Variants in CACNA2D3 observed in about 807,000 individuals in gnomAD.
CACNA2D3 encodes calcium voltage-gated channel auxiliary subunit alpha2delta 3, also known as voltage-dependent calcium channel subunit alpha-2/delta-3.
In CACNA2D3, 60 loss-of-function variants were observed where a neutral mutation model predicts 160.6. That is an observed-to-expected ratio of 0.37 (90% CI 0.30 to 0.46). The LOEUF (loss-of-function observed/expected upper bound fraction) is 0.46. CACNA2D3 is among the 20% of genes least tolerant of loss of function. The probability of loss-of-function intolerance (pLI) is 1.00; values close to 1 mark genes in which losing one functional copy is unlikely to be tolerated. For missense variants in CACNA2D3, 1,205 were observed against 1,365.0 expected, an observed-to-expected ratio of 0.88 and a Z score of 1.85; for synonymous variants, 558 against 492.9, an observed-to-expected ratio of 1.13 and a Z score of -1.75.
intron 5 of CACNA2D3, among the ~76,000 whole-genome samples, chr3:54,529,255 T>C (rs1242619934): frequency 6.6e-6 from 1 of 152,240 alleles, no homozygotes; most frequent in Non-Finnish European, 1.5e-5. Flanking sequence ...TACCCGTTTC[T>C]TAACAGTAGG....
chr3:54,979,442 C>T (rs1702460457), intron 29 of CACNA2D3, among the ~76,000 whole-genome samples: 1 of 152,192 alleles, frequency 6.6e-6, no homozygotes, highest in South Asian at 2.1e-4. Context: ...AAGATACTCT[C>T]AAATAGTTTC....
At chr3:54,995,723 G>A (rs1393486922) in intron 31 of CACNA2D3, among the ~76,000 whole-genome samples, 3 of 152,168 alleles carry the variant, frequency 2.0e-5, no homozygotes, top group Admixed American at 6.5e-5. Flanking sequence ...AGGAACCTGG[G>A]AAATGTGCAT....
At chr3:54,912,330 C>T (rs985329484) in intron 27 of CACNA2D3, among the ~76,000 whole-genome samples, 2 of 152,154 alleles carry the variant, frequency 1.3e-5, no homozygotes, top group African/African-American at 4.8e-5. Context: ...AAGGAGAGAG[C>T]ATGAGTTCCA....
At chr3:54,180,443 T>C (rs991511863) in intron 2 of CACNA2D3, among the ~76,000 whole-genome samples, 1 of 152,190 alleles carries the variant, frequency 6.6e-6, no homozygotes, top group Admixed American at 6.5e-5. Flanking sequence ...ATTTCAAAGA[T>C]AGGAATCTGA....
intron 2 of CACNA2D3, among the ~76,000 whole-genome samples, chr3:54,167,688 C>G (rs1700486468): frequency 6.6e-6 from 1 of 152,146 alleles, no homozygotes; most frequent in African/African-American, 2.4e-5. Context: ...GAATGGATAC[C>G]CAACGTAGTT....
chr3:54,888,766 T>C (rs1699988056), intron 24 of CACNA2D3, among the ~76,000 whole-genome samples: 2 of 151,880 alleles, frequency 1.3e-5, no homozygotes, highest in South Asian at 4.1e-4. Flanking sequence ...TCCCTCATTG[T>C]ATCTTCCCTT....
At chr3:54,474,299 C>T (rs1368924356) in intron 4 of CACNA2D3, among the ~76,000 whole-genome samples, 2 of 152,026 alleles carry the variant, frequency 1.3e-5, no homozygotes, top group Non-Finnish European at 2.9e-5. Flanking sequence ...AACACGGGAA[C>T]TGAAAACCAA....
At chr3:55,009,343 G>T (rs1703161744) in intron 33 of CACNA2D3, 45 bp from the exon 34 acceptor site, 2 of 1,522,384 alleles carry the variant, frequency 1.3e-6, no homozygotes, top group Non-Finnish European at 1.8e-6. Context: ...TGTGATATGG[G>T]CATGGATGAC....
chr3:54,717,681 GGT>G (rs1181213964), intron 11 of CACNA2D3, among the ~76,000 whole-genome samples: 7 of 137,642 alleles, frequency 5.1e-5, no homozygotes, highest in East Asian at 4.3e-4. Flanking sequence ...TGGTGTGTGT[GGT>G]GTGTGCGTGC....
chr3:55,071,771 T>G (rs1459528735), intron 35 of CACNA2D3, among the ~76,000 whole-genome samples: 1 of 152,206 alleles, frequency 6.6e-6, no homozygotes, highest in Non-Finnish European at 1.5e-5. Context: ...CTTTGGATCT[T>G]TTATGTCATA....
At chr3:54,514,980 C>G (rs768845427) in intron 5 of CACNA2D3, among the ~76,000 whole-genome samples, 1 of 152,172 alleles carries the variant, frequency 6.6e-6, no homozygotes, top group Non-Finnish European at 1.5e-5. Flanking sequence ...CAATCTGATG[C>G]ATCAGCTTTT....
In CACNA2D3 at chr3:54,801,796, A is replaced by G. The variant is rs964510590; in HGVS notation, c.1381-15057A>G. On this transcript the variant is annotated intron_variant, in intron 13 of 37. Transcript: ENST00000474759. ...TCTTTTCCTTGCTTTTAAACATACC[A>G]TTGGAAGAAAAAAAAAATTGAAGTC... is the stretch of plus-strand genomic sequence containing the variant. Among the ~76,000 whole-genome samples, 4 of 152,200 alleles carry G rather than the reference A, an allele frequency of 2.6e-5. No individual in the cohort carries two copies. In the East Asian group the frequency reaches 7.7e-4, roughly 29 times the overall value.
intron 3 of CACNA2D3, among the ~76,000 whole-genome samples, chr3:54,384,967 C>T (rs7627851): frequency 0.021 from 3,227 of 152,146 alleles, 108 homozygotes; most frequent in African/African-American, 0.074. Context: ...GTGATCTGCC[C>T]GCCTCTGCCT....
chr3:54,659,067 A>G (rs879366936), intron 11 of CACNA2D3, among the ~76,000 whole-genome samples: 3 of 152,102 alleles, frequency 2.0e-5, no homozygotes, highest in African/African-American at 4.8e-5. Flanking sequence ...AATGAGCTCT[A>G]TCCTACTAGA....
intron 27 of CACNA2D3, among the ~76,000 whole-genome samples, chr3:54,955,586 G>A (rs1299626376): frequency 6.6e-6 from 1 of 152,178 alleles, no homozygotes; most frequent in African/African-American, 2.4e-5. Flanking sequence ...CAGCTTCTAA[G>A]GTCTATCAGC....
chr3:54,934,846 C>G (rs989160597), intron 27 of CACNA2D3, among the ~76,000 whole-genome samples: 6 of 152,170 alleles, frequency 3.9e-5, no homozygotes, highest in Admixed American at 6.5e-5. Flanking sequence ...ATTCTCATGC[C>G]TCAGCCTCCC....
chr3:54,141,477 C>T (rs1001227470), intron 2 of CACNA2D3, among the ~76,000 whole-genome samples: 4 of 152,188 alleles, frequency 2.6e-5, no homozygotes, highest in Non-Finnish European at 2.9e-5. Context: ...TCTGCTTTCT[C>T]AGGTCCTGTT....
chr3:54,711,264 A>G (rs547575700), intron 11 of CACNA2D3, among the ~76,000 whole-genome samples: 12 of 152,326 alleles, frequency 7.9e-5, no homozygotes, highest in African/African-American at 2.9e-4. Context: ...GCCTTACTAA[A>G]TGACATAAAG....
intron 2 of CACNA2D3, among the ~76,000 whole-genome samples, chr3:54,238,562 T>C (rs776559440): frequency 1.1e-4 from 16 of 152,244 alleles, no homozygotes; most frequent in Non-Finnish European, 1.6e-4. Context: ...TCTCAAGTTA[T>C]CTAGTTTTTA....
Sources: allele counts gnomAD v4.1 joint callset (sites outside exome capture counted in the v4.1 genomes callset), GRCh38; gene constraint gnomAD v4.1.1; transcripts MANE v1.5; gene names NCBI Gene and HGNC (gene_info 2026-07-23, HGNC 2026-07-21).